TRABD2B: variants seen among roughly 807,000 people sequenced by gnomAD.
TRABD2B encodes the protein TraB domain containing 2B.
TRABD2B carries 14 observed loss-of-function variants against 40.1 expected under a neutral mutation model. That is an observed-to-expected ratio of 0.35 (90% CI 0.23 to 0.55). TRABD2B has a LOEUF of 0.55. TRABD2B is among the 20% of genes least tolerant of loss of function. TRABD2B has a pLI of 0.90. For synonymous variants in TRABD2B, 263 were observed against 277.0 expected, an observed-to-expected ratio of 0.95 and a Z score of 0.50; for missense variants, 541 against 648.6, an observed-to-expected ratio of 0.83 and a Z score of 1.80.
chr1:47,968,227 T>C (rs906423155), intron 2 of TRABD2B, among the ~76,000 whole-genome samples: 2 of 152,256 alleles, frequency 1.3e-5, no homozygotes, highest in African/African-American at 2.4e-5. Context: ...GTGATAACTA[T>C]GCGTTCATGA....
intron 2 of TRABD2B, among the ~76,000 whole-genome samples, chr1:47,878,783 T>A (rs950799178): frequency 6.6e-6 from 1 of 152,032 alleles, no homozygotes; most frequent in African/African-American, 2.4e-5. Flanking sequence ...CACAAATAAA[T>A]AAGCAAACAA....
chr1:47,775,455 G>C lies in TRABD2B; in HGVS notation c.1080-16C>G. 1 of 1,234,328 alleles carries C rather than the reference G, an allele frequency of 8.1e-7. No homozygotes were observed. 76.5% of individuals were successfully genotyped at this position (1,234,328 alleles called of 1,614,324 possible). A position where few individuals can be genotyped will look rare whatever the true frequency, so the allele number is the denominator to read the frequency against. The stretch of plus-strand genomic sequence containing the variant: ...GGGGGCAGGGCTGGAAAGAGGTAAT[G>C]GCACATGGGGCACATGTGTTGGAGA... On this transcript the variant is annotated splice_polypyrimidine_tract_variant and intron_variant, in intron 5 of 6. Transcript: ENST00000606738.
Position 47,846,894 on chromosome 1 carries a change from A to ACACACACACACACACACACACACACACG in TRABD2B, c.667-45276_667-45275insCGTGTGTGTGTGTGTGTGTGTGTGTGTG, listed in dbSNP as rs1439715341. Among the ~76,000 whole-genome samples the ACACACACACACACACACACACACACACG allele has an allele frequency of 2.3e-4, 34 of 145,698 alleles. 2 individuals are homozygous for ACACACACACACACACACACACACACACG. The East Asian group carries it at 4.1e-3, about 18-fold the overall frequency. ...CACACACACACACACACACACACACACAAATGAGGGCTGGGTGCCCTCTGA... is the reference window on the plus strand; with the variant it reads ...CACACACACACACACACACACACACACACACACACACACACACACACACACACGCAAATGAGGGCTGGGTGCCCTCTGA... On this transcript the variant is annotated intron_variant, in intron 2 of 6. Coordinates refer to ENST00000606738, the MANE Select transcript of TRABD2B (RefSeq NM_001194986.2).
chr1:47,980,381 C>A (rs1387262827), intron 2 of TRABD2B, among the ~76,000 whole-genome samples: 1 of 152,168 alleles, frequency 6.6e-6, no homozygotes, highest in South Asian at 2.1e-4. Context: ...AGAACTAACT[C>A]CTAGACAGCA....
chr1:47,801,113 C>G (rs533169142), intron 3 of TRABD2B, among the ~76,000 whole-genome samples: 5 of 152,314 alleles, frequency 3.3e-5, no homozygotes, highest in African/African-American at 1.2e-4. Context: ...GGGCTGGACT[C>G]AAGTCCAAGC....
chr1:47,799,529 C>G (rs182591301), intron 3 of TRABD2B, among the ~76,000 whole-genome samples: 9 of 152,180 alleles, frequency 5.9e-5, no homozygotes, highest in African/African-American at 2.2e-4. Flanking sequence ...TACATTTGCT[C>G]GGGTGACAGT....
rs1460123521 is a variant in TRABD2B at position 47,994,155 on chromosome 1, C to A, written c.545G>T (p.Gly182Val). The change falls in exon 2 of 7, where the codon GGT becomes GTT. Residue 182 changes from glycine to valine, a missense_variant. Around this residue, in one of 2 missense-constraint regions of TRABD2B, gnomAD observed 369 missense variants for 492.8 expected, o/e 0.75. Coordinates refer to ENST00000606738, the MANE Select transcript of TRABD2B (RefSeq NM_001194986.2). This position sits in a 1 kb window ranked among gnomAD's most constrained non-coding sequence, Gnocchi z 6.7. Reference protein sequence around the residue: ...SLTERDVRFRGVPVLDLYLAQ... With the variant: ...SLTERDVRFRVVPVLDLYLAQ... ...CAGGTAGAGGTCGAGCACGGGCACA[C>A]CACGGAAGCGCACGTCCCTCTCTGT... 1 of 1,536,620 alleles carries A rather than the reference C, an allele frequency of 6.5e-7. No homozygotes were observed. Among genetic ancestry groups the A allele is most frequent in the South Asian group, 1.2e-5 (1 of 84,068 alleles).
rs561655828 is a variant in TRABD2B at position 47,808,323 on chromosome 1, A to G, written c.667-6704T>C. Among the ~76,000 whole-genome samples the G allele has an allele frequency of 3.9e-5, 6 of 152,330 alleles. No homozygotes were observed. The East Asian group carries it at 9.6e-4, about 24-fold the overall frequency. On this transcript the variant is annotated intron_variant, in intron 2 of 6. Coordinates refer to ENST00000606738, the MANE Select transcript of TRABD2B (RefSeq NM_001194986.2). Reference sequence around the variant, plus strand: ...GTGTGTGTGTGTGTATAAAATGTATATACCTATATATATATTTACAGAGAT... The same window carrying G: ...GTGTGTGTGTGTGTATAAAATGTATGTACCTATATATATATTTACAGAGAT...
intron 2 of TRABD2B, among the ~76,000 whole-genome samples, chr1:47,850,271 G>A (rs998646837): frequency 6.6e-6 from 1 of 152,232 alleles, no homozygotes; most frequent in Non-Finnish European, 1.5e-5. Context: ...CCAAGAGGAC[G>A]TGTGATGGAG....
At position 47,994,385 on chromosome 1, in the gene TRABD2B, G is replaced by A. The variant is rs188128120; in HGVS notation, c.315C>T (p.His105=). The A allele has an allele frequency of 1.5e-3, 2,229 of 1,536,180 alleles. 13 individuals carry two copies. Among genetic ancestry groups the A allele is most frequent in the Non-Finnish European group, 1.4e-3 (1,610 of 1,146,922 alleles). ...GCAGCACGTCCTGCAGGTTTTCCCCGTGCGGCAGCAGCTGGCAGCTGGCCA... is the reference window on the plus strand; with the variant it reads ...GCAGCACGTCCTGCAGGTTTTCCCCATGCGGCAGCAGCTGGCAGCTGGCCA... ...SALASCQLLP[H]GENLQDVLPH... is the part of the protein sequence containing the mutation. The change falls in exon 2 of 7, where the codon CAC becomes CAT. Residue 105 remains histidine (H), a synonymous_variant. Transcript: ENST00000606738. The surrounding 1 kb of genome is among the most constrained non-coding windows in gnomAD (Gnocchi z 6.7).
chr1:47,920,672 C>T (rs954977163), intron 2 of TRABD2B, among the ~76,000 whole-genome samples: 1 of 152,140 alleles, frequency 6.6e-6, no homozygotes, highest in African/African-American at 2.4e-5. Flanking sequence ...GTCAAAGGTC[C>T]CTGGCAGTGC....
chr1:47,823,891 T>C (rs1332183863), intron 2 of TRABD2B, among the ~76,000 whole-genome samples: 1 of 152,170 alleles, frequency 6.6e-6, no homozygotes, highest in African/African-American at 2.4e-5. Flanking sequence ...CAGGAATCAC[T>C]ACCAACATCA....
Position 47,996,449 on chromosome 1 carries a change from G to C in TRABD2B, c.102+239C>G, listed in dbSNP as rs1265142788. Among the ~76,000 whole-genome samples, 1 of 152,186 alleles carries C rather than the reference G, an allele frequency of 6.6e-6. No individual in the cohort carries two copies. The highest frequency in any genetic ancestry group is 1.5e-5 in the Non-Finnish European group (1 of 68,028). ...CAAGCAGGACCACAAGTCAAGAGGAGAGCCCCAGAGCGGCAGCGTGTGGAG... is the reference window on the plus strand; with the variant it reads ...CAAGCAGGACCACAAGTCAAGAGGACAGCCCCAGAGCGGCAGCGTGTGGAG... On this transcript the variant is annotated intron_variant, in intron 1 of 6. Transcript: ENST00000606738. The surrounding 1 kb of genome is among the most constrained non-coding windows in gnomAD (Gnocchi z 4.6).
At chr1:47,963,985 A>T (rs1488578700) in intron 2 of TRABD2B, among the ~76,000 whole-genome samples, 2 of 152,228 alleles carry the variant, frequency 1.3e-5, no homozygotes, top group Non-Finnish European at 2.9e-5. Flanking sequence ...GATACAGGCC[A>T]TGGTCACCGT....
intron 2 of TRABD2B, among the ~76,000 whole-genome samples, chr1:47,931,084 C>G (rs1479294090): frequency 1.3e-5 from 2 of 152,162 alleles, no homozygotes; most frequent in African/African-American, 4.8e-5. Flanking sequence ...CTGCTCTATC[C>G]CCAGCACCTA....
chr1:47,793,084 T>C (rs1644698085), intron 4 of TRABD2B, among the ~76,000 whole-genome samples: 2 of 152,090 alleles, frequency 1.3e-5, no homozygotes. Flanking sequence ...ACCCTCTCCA[T>C]GCTGCCAGTC....
At chr1:47,885,272 T>A (rs1644355729) in intron 2 of TRABD2B, among the ~76,000 whole-genome samples, 1 of 152,212 alleles carries the variant, frequency 6.6e-6, no homozygotes, top group African/African-American at 2.4e-5. Context: ...GGGCCTAAGC[T>A]TAGTGTCCAC....
At chr1:47,890,431 G>C (rs982858589) in intron 2 of TRABD2B, among the ~76,000 whole-genome samples, 12 of 152,218 alleles carry the variant, frequency 7.9e-5, no homozygotes, top group Non-Finnish European at 1.3e-4. Flanking sequence ...TAGTCATTGT[G>C]CTCAAGCCTT....
chr1:47,985,221 G>A (rs1397322335), intron 2 of TRABD2B, among the ~76,000 whole-genome samples: 1 of 152,244 alleles, frequency 6.6e-6, no homozygotes, highest in Non-Finnish European at 1.5e-5. Context: ...GCCAATGTCT[G>A]GAAGTTTTCC....
Sources: allele counts gnomAD v4.1 joint callset (sites outside exome capture counted in the v4.1 genomes callset), GRCh38; gene constraint gnomAD v4.1.1; regional missense constraint gnomAD v4.1.1; non-coding constraint Gnocchi (gnomAD v3.1); transcripts MANE v1.5; gene names NCBI Gene and HGNC (gene_info 2026-07-23, HGNC 2026-07-21).